The following DPYD variants were observed in gnomAD, a reference collection of about 807,000 sequenced individuals.
DPYD encodes the protein dihydropyrimidine dehydrogenase [NADP(+)].
A neutral mutation model predicts 116.2 loss-of-function variants in DPYD; 109 were observed. The ratio of observed to expected loss-of-function variants is 0.94; its 90% CI spans 0.80 to 1.10. DPYD has a LOEUF of 1.10. Among genes scored for constraint, DPYD ranks in the 50% least tolerant of loss-of-function variants. The pLI is 0.00. For missense variants in DPYD, 1,302 were observed against 1,254.5 expected (o/e 1.04, Z -0.57); for synonymous variants, 440 against 432.0 (o/e 1.02, Z -0.23).
intron 16 of DPYD, among the ~76,000 whole-genome samples, chr1:97,353,986 G>T (rs1670283565): frequency 6.6e-6 from 1 of 152,192 alleles, no homozygotes; most frequent in African/African-American, 2.4e-5. Flanking sequence ...CTGACTTGCC[G>T]TGTGACCCTG....
chr1:97,653,090 G>A (rs955873379), intron 8 of DPYD, among the ~76,000 whole-genome samples: 1 of 151,726 alleles, frequency 6.6e-6, no homozygotes, highest in East Asian at 1.9e-4. Context: ...TATCTTCTCT[G>A]TCCTCCCTTT....
intron 2 of DPYD, among the ~76,000 whole-genome samples, chr1:97,833,632 A>C (rs1557996515): frequency 6.6e-6 from 1 of 152,120 alleles, no homozygotes; most frequent in Non-Finnish European, 1.5e-5. Context: ...AGCTATCAAC[A>C]AGATTAAATG....
At chr1:97,788,561 T>A (rs1032398109) in intron 3 of DPYD, among the ~76,000 whole-genome samples, 1 of 152,140 alleles carries the variant, frequency 6.6e-6, no homozygotes, top group African/African-American at 2.4e-5. Flanking sequence ...ATTGACACAA[T>A]TGCAAAAAAT....
intron 5 of DPYD, among the ~76,000 whole-genome samples, chr1:97,702,861 G>A (rs1298343556): frequency 6.6e-6 from 1 of 151,548 alleles, no homozygotes; most frequent in Non-Finnish European, 1.5e-5. Context: ...ATTATGAGAT[G>A]CAAACATTGA....
At chr1:97,791,333 GACTCACAAT>G (rs1667310117) in intron 3 of DPYD, among the ~76,000 whole-genome samples, 2 of 152,090 alleles carry the variant, frequency 1.3e-5, no homozygotes, top group South Asian at 4.1e-4. Context: ...AGAACTACTA[GACTCACAAT>G]ATGATTCAGG....
At chr1:97,586,690 C>T (rs1314216202) in intron 10 of DPYD, among the ~76,000 whole-genome samples, 4 of 151,338 alleles carry the variant, frequency 2.6e-5, no homozygotes, top group Non-Finnish European at 5.9e-5. Context: ...TTTGTTGGCT[C>T]CTGGCCTATT....
intron 20 of DPYD, among the ~76,000 whole-genome samples, chr1:97,187,330 G>A (rs967817175): frequency 3.3e-5 from 5 of 152,016 alleles, no homozygotes. Context: ...CTGATGATTA[G>A]TGATGTTGAA....
At chr1:97,375,937 T>C (rs1363362519) in intron 15 of DPYD, among the ~76,000 whole-genome samples, 1 of 152,250 alleles carries the variant, frequency 6.6e-6, no homozygotes, top group Non-Finnish European at 1.5e-5. Flanking sequence ...ATTTTATACA[T>C]ATTTACATTA....
At chr1:97,120,325 T>G (rs1652329160) in intron 20 of DPYD, among the ~76,000 whole-genome samples, 1 of 152,192 alleles carries the variant, frequency 6.6e-6, no homozygotes, top group African/African-American at 2.4e-5. Flanking sequence ...ATGCAGAGAA[T>G]CAGCCTAACA....
intron 19 of DPYD, among the ~76,000 whole-genome samples, chr1:97,229,129 G>A (rs887086310): frequency 2.7e-5 from 4 of 150,288 alleles, no homozygotes; most frequent in Admixed American, 2.0e-4. Flanking sequence ...GTGTGAACCC[G>A]GGAGGCGGAG....
At chr1:97,719,060 T>G (rs747415657) in intron 5 of DPYD, among the ~76,000 whole-genome samples, 1 of 147,846 alleles carries the variant, frequency 6.8e-6, no homozygotes, top group African/African-American at 2.5e-5. Flanking sequence ...GTTTACTACA[T>G]GAACACACCA....
chr1:97,175,008 A>G (rs912823056), intron 20 of DPYD, among the ~76,000 whole-genome samples: 3 of 152,108 alleles, frequency 2.0e-5, no homozygotes, highest in African/African-American at 7.2e-5. Context: ...TTTTCCTTAT[A>G]TGTTTGTGAG....
chr1:97,309,331 T>TTGTGTGTGTGTG lies in DPYD; in HGVS notation c.2059-3046_2059-3035dup, dbSNP rs59669909. Among the ~76,000 whole-genome samples the TTGTGTGTGTGTG allele has an allele frequency of 6.8e-5, 10 of 147,558 alleles. 1 individual carries two copies. Among genetic ancestry groups the TTGTGTGTGTGTG allele is most frequent in the Admixed American group, 4.1e-4 (6 of 14,680 alleles). On this transcript the variant is annotated intron_variant, in intron 16 of 22. Transcript: ENST00000370192. ...ATCTCTGTCACAGTAGTTGCTTGTC[T>TTGTGTGTGTGTG]TGTGTGTGTGTGTGTGTGTGTGTGT...
At chr1:97,280,743 T>A (rs1189690432) in intron 18 of DPYD, among the ~76,000 whole-genome samples, 1 of 150,950 alleles carries the variant, frequency 6.6e-6, no homozygotes, top group African/African-American at 2.4e-5. Context: ...TGGGGAGGGG[T>A]AGGGGGAGCA....
chr1:97,524,003 G>C (rs567773488), intron 12 of DPYD, among the ~76,000 whole-genome samples: 1 of 151,756 alleles, frequency 6.6e-6, no homozygotes, highest in East Asian at 1.9e-4. Context: ...ATTTAACCAT[G>C]AATAATTATT....
At chr1:97,279,416 T>C (rs1163785522) in intron 18 of DPYD, among the ~76,000 whole-genome samples, 2 of 151,990 alleles carry the variant, frequency 1.3e-5, no homozygotes, top group Non-Finnish European at 1.5e-5. Flanking sequence ...CTGAAGATGG[T>C]ATATAGAGCC....
At chr1:97,115,629 T>C (rs1430750169) in intron 20 of DPYD, among the ~76,000 whole-genome samples, 1 of 152,178 alleles carries the variant, frequency 6.6e-6, no homozygotes, top group African/African-American at 2.4e-5. Flanking sequence ...GAAAATGTTC[T>C]TAAAAGTATT....
At chr1:97,492,171 T>G (rs1458596708) in intron 13 of DPYD, among the ~76,000 whole-genome samples, 1 of 152,156 alleles carries the variant, frequency 6.6e-6, no homozygotes, top group Non-Finnish European at 1.5e-5. Context: ...AAATTTGTAC[T>G]CCAAGCCCTC....
At chr1:97,324,145 C>T (rs1218512046) in intron 16 of DPYD, among the ~76,000 whole-genome samples, 28 of 151,886 alleles carry the variant, frequency 1.8e-4, no homozygotes, top group East Asian at 1.9e-4. Context: ...ATTCTCTGAG[C>T]CTTTTCGTTT....
Sources: gnomAD v4.1 joint callset for allele counts (sites outside exome capture counted in the v4.1 genomes callset) on GRCh38, gnomAD v4.1.1 for gene constraint, MANE v1.5 for transcripts, NCBI Gene and HGNC (gene_info 2026-07-23, HGNC 2026-07-21) for gene names.